Variants in GRM1 observed in about 807,000 individuals in gnomAD.
The protein encoded by GRM1 is glutamate metabotropic receptor 1.
A neutral mutation model predicts 90.9 loss-of-function variants in GRM1; 33 were observed. That is an observed-to-expected ratio of 0.36 (90% CI 0.28 to 0.49). The LOEUF (loss-of-function observed/expected upper bound fraction) is 0.49, where lower values mean the gene tolerates loss of function less well. Ranked by LOEUF, GRM1 falls within the 20% of genes least tolerant of loss-of-function variation. The pLI is 0.99. For synonymous variants in GRM1, 700 were observed against 613.2 expected (o/e 1.14, Z -2.09); for missense variants, 1,190 against 1,534.3 (o/e 0.78, Z 3.75).
intron 3 of GRM1, among the ~76,000 whole-genome samples, chr6:146,349,049 A>ACTT (rs905168955): frequency 4.0e-5 from 4 of 100,698 alleles, no homozygotes; most frequent in Admixed American, 3.5e-4. Context: ...GGTAGCTATT[A>ACTT]TTATTATTAT....
intron 7 of GRM1, among the ~76,000 whole-genome samples, chr6:146,418,830 T>C (rs1394562477): frequency 6.6e-6 from 1 of 152,142 alleles, no homozygotes; most frequent in East Asian, 1.9e-4. Flanking sequence ...AATTTATCCC[T>C]TTTTTATGGC....
chr6:146,187,889 G>A (rs1404450044), intron 2 of GRM1, among the ~76,000 whole-genome samples: 1 of 152,020 alleles, frequency 6.6e-6, no homozygotes, highest in Non-Finnish European at 1.5e-5. Flanking sequence ...GGCAAATGCA[G>A]CATCTCATGA....
intron 2 of GRM1, among the ~76,000 whole-genome samples, chr6:146,165,933 C>A (rs1022190135): frequency 2.6e-5 from 4 of 152,026 alleles, no homozygotes; most frequent in Admixed American, 6.6e-5. Context: ...GTTTCAGATA[C>A]CGGACATCTG....
At chr6:146,054,217 ACT>A (rs1370286881) in intron 1 of GRM1, among the ~76,000 whole-genome samples, 3 of 151,998 alleles carry the variant, frequency 2.0e-5, no homozygotes, top group Admixed American at 6.6e-5. Context: ...GTTCTGATTT[ACT>A]CTCACATGAA....
chr6:146,383,105 C>T (rs534600121), intron 5 of GRM1, among the ~76,000 whole-genome samples: 18 of 152,282 alleles, frequency 1.2e-4, no homozygotes, highest in African/African-American at 4.3e-4. Context: ...CAAAAGTACA[C>T]ATGCTTGATG....
At chr6:146,339,845 T>C (rs919485728) in intron 3 of GRM1, among the ~76,000 whole-genome samples, 53 of 152,194 alleles carry the variant, frequency 3.5e-4, no homozygotes, top group African/African-American at 1.2e-3. Context: ...ATAAGCTACG[T>C]TGGGCTTCTG....
At chr6:146,317,583 G>T (rs1784021058) in intron 3 of GRM1, among the ~76,000 whole-genome samples, 1 of 152,126 alleles carries the variant, frequency 6.6e-6, no homozygotes, top group African/African-American at 2.4e-5. Flanking sequence ...ACTGTGACAA[G>T]AAATTAAAAA....
intron 3 of GRM1, among the ~76,000 whole-genome samples, chr6:146,334,472 A>G (rs11965052): frequency 6.6e-6 from 1 of 152,222 alleles, no homozygotes; most frequent in African/African-American, 2.4e-5. Context: ...TGGCCAACTA[A>G]TAATGGTCTT....
intron 1 of GRM1, among the ~76,000 whole-genome samples, chr6:146,115,892 A>G (rs1775726034): frequency 6.6e-6 from 1 of 151,578 alleles, no homozygotes; most frequent in Non-Finnish European, 1.5e-5. Context: ...TTGATATTTA[A>G]TGATTGATCT....
At chr6:146,351,872 T>G (rs2115040520) in intron 3 of GRM1, among the ~76,000 whole-genome samples, 1 of 152,302 alleles carries the variant, frequency 6.6e-6, no homozygotes, top group South Asian at 2.1e-4. Context: ...AATCAAAAAA[T>G]GTTTTTCCAG....
At chr6:146,144,119 G>A (rs1777001266) in intron 1 of GRM1, among the ~76,000 whole-genome samples, 1 of 152,136 alleles carries the variant, frequency 6.6e-6, no homozygotes, top group South Asian at 2.1e-4. Context: ...AGCAAATTTG[G>A]TGTCTGGTGA....
chr6:146,081,827 ATAATAG>A (rs1338462376), intron 1 of GRM1, among the ~76,000 whole-genome samples: 47 of 152,192 alleles, frequency 3.1e-4, no homozygotes, highest in African/African-American at 1.1e-3. Context: ...CAATCATGAA[ATAATAG>A]AATTTAATAA....
intron 2 of GRM1, among the ~76,000 whole-genome samples, chr6:146,232,494 TCC>T (rs1780482078): frequency 6.6e-6 from 1 of 152,070 alleles, no homozygotes; most frequent in African/African-American, 2.4e-5. Context: ...GAATGAGATA[TCC>T]ATTCCCTCAA....
At chr6:146,400,368 G>A (rs1777111732) in intron 7 of GRM1, among the ~76,000 whole-genome samples, 1 of 151,882 alleles carries the variant, frequency 6.6e-6, no homozygotes. Flanking sequence ...GCAAAGTCAT[G>A]ATCAGAATAG....
At chr6:146,179,251 C>T (rs1241536541) in intron 2 of GRM1, among the ~76,000 whole-genome samples, 3 of 152,188 alleles carry the variant, frequency 2.0e-5, no homozygotes, top group African/African-American at 7.2e-5. Flanking sequence ...GATCCCACTA[C>T]CTAAAATGCC....
intron 1 of GRM1, among the ~76,000 whole-genome samples, chr6:146,127,450 C>T (rs6911797): frequency 2.0e-5 from 3 of 152,240 alleles, no homozygotes; most frequent in Non-Finnish European, 4.4e-5. Context: ...ATCAGAAAGG[C>T]CTTTCCCAGG....
At chr6:146,094,094 C>G (rs1433714988) in intron 1 of GRM1, among the ~76,000 whole-genome samples, 1 of 152,036 alleles carries the variant, frequency 6.6e-6, no homozygotes, top group African/African-American at 2.4e-5. Flanking sequence ...GGCTACATGA[C>G]TTTCTTAGAT....
chr6:146,370,331 C>T (rs1036360409), intron 5 of GRM1, among the ~76,000 whole-genome samples: 1 of 151,990 alleles, frequency 6.6e-6, no homozygotes, highest in African/African-American at 2.4e-5. Flanking sequence ...AGAATGACAG[C>T]TCCTCATGGG....
chr6:146,076,302 G>A (rs1283484695), intron 1 of GRM1, among the ~76,000 whole-genome samples: 1 of 152,184 alleles, frequency 6.6e-6, no homozygotes, highest in African/African-American at 2.4e-5. Context: ...GGGAGCTTTA[G>A]GGATTTGATT....
Sources: allele counts gnomAD v4.1 joint callset (sites outside exome capture counted in the v4.1 genomes callset), GRCh38; gene constraint gnomAD v4.1.1; transcripts MANE v1.5; gene names NCBI Gene and HGNC (gene_info 2026-07-23, HGNC 2026-07-21).